CHST11: variants seen among roughly 807,000 people sequenced by gnomAD.
CHST11 encodes the protein carbohydrate sulfotransferase 11, also known as C4S-1.
CHST11 carries 9 observed loss-of-function variants against 30.4 expected under a neutral mutation model. That is an observed-to-expected ratio of 0.30 (90% CI 0.18 to 0.52). The LOEUF (loss-of-function observed/expected upper bound fraction) is 0.52. Ranked by LOEUF, CHST11 falls within the 20% of genes least tolerant of loss-of-function variation. CHST11 has a pLI of 0.97. For synonymous variants in CHST11, 152 were observed against 187.8 expected, an observed-to-expected ratio of 0.81 and a Z score of 1.56; for missense variants, 348 against 460.6, an observed-to-expected ratio of 0.76 and a Z score of 2.24.
chr12:104,547,849 C>G (rs1023243595), intron 1 of CHST11, among the ~76,000 whole-genome samples: 1 of 152,054 alleles, frequency 6.6e-6, no homozygotes, highest in African/African-American at 2.4e-5. Context: ...AAAAAAAGGA[C>G]TTTTGCCCCT....
chr12:104,599,788 G>A (rs1397555689), intron 1 of CHST11, among the ~76,000 whole-genome samples: 1 of 152,198 alleles, frequency 6.6e-6, no homozygotes, highest in Non-Finnish European at 1.5e-5. Context: ...TCTAGGGCAA[G>A]GGTTGGCAAA....
At chr12:104,462,181 A>G (rs868583479) in intron 1 of CHST11, among the ~76,000 whole-genome samples, 4 of 148,650 alleles carry the variant, frequency 2.7e-5, no homozygotes, top group Non-Finnish European at 4.5e-5. Flanking sequence ...AAAAAAAAAA[A>G]AAAAGAAAAA....
chr12:104,634,534 C>G (rs1003060169), intron 2 of CHST11, among the ~76,000 whole-genome samples: 3 of 152,232 alleles, frequency 2.0e-5, no homozygotes, highest in Admixed American at 6.5e-5. Context: ...CGACACGTCT[C>G]GCACCATTTC....
chr12:104,736,185 C>T (rs1177126761), intron 2 of CHST11, among the ~76,000 whole-genome samples: 1 of 152,172 alleles, frequency 6.6e-6, no homozygotes, highest in African/African-American at 2.4e-5. Context: ...TATAAATCCT[C>T]CCTTCCCCAA....
intron 2 of CHST11, among the ~76,000 whole-genome samples, chr12:104,639,759 A>G (rs1036853456): frequency 2.4e-4 from 36 of 152,064 alleles, no homozygotes; most frequent in African/African-American, 8.0e-4. Context: ...TCAAAAGGTC[A>G]CCTCTCATGC....
chr12:104,482,491 C>T (rs1239728712), intron 1 of CHST11, among the ~76,000 whole-genome samples: 1 of 152,170 alleles, frequency 6.6e-6, no homozygotes, highest in Non-Finnish European at 1.5e-5. Context: ...TGGCCACTGC[C>T]TCCCTTCCCT....
chr12:104,554,248 G>A (rs929198300), intron 1 of CHST11, among the ~76,000 whole-genome samples: 2 of 152,116 alleles, frequency 1.3e-5, no homozygotes, highest in African/African-American at 2.4e-5. Context: ...GGTTACTGGG[G>A]TTGTCTTAGA....
chr12:104,730,241 C>T (rs1355371819), intron 2 of CHST11, among the ~76,000 whole-genome samples: 2 of 152,236 alleles, frequency 1.3e-5, no homozygotes, highest in African/African-American at 4.8e-5. Context: ...TACTGTGTGA[C>T]CTGAGAGCAG....
chr12:104,644,531 C>T (rs1264862985), intron 2 of CHST11, among the ~76,000 whole-genome samples: 3 of 152,260 alleles, frequency 2.0e-5, no homozygotes, highest in African/African-American at 7.2e-5. Context: ...TGGCGTGGTG[C>T]TGCCTGGGCA....
At chr12:104,726,122 G>A (rs1006778441) in intron 2 of CHST11, among the ~76,000 whole-genome samples, 3 of 152,222 alleles carry the variant, frequency 2.0e-5, no homozygotes, top group African/African-American at 7.2e-5. Flanking sequence ...CAGAGAGATA[G>A]CAGAAAGAAA....
chr12:104,718,975 C>T (rs1400338263), intron 2 of CHST11, among the ~76,000 whole-genome samples: 1 of 152,186 alleles, frequency 6.6e-6, no homozygotes, highest in Non-Finnish European at 1.5e-5. Context: ...CTCCGACTTT[C>T]CAGGGTGCAT....
chr12:104,742,935 C>A (rs2040358856), intron 2 of CHST11, among the ~76,000 whole-genome samples: 1 of 152,248 alleles, frequency 6.6e-6, no homozygotes, highest in Non-Finnish European at 1.5e-5. Context: ...AGAGCTGATG[C>A]TAAGCTCCTG....
chr12:104,637,503 A>C lies in CHST11; in HGVS notation c.204+35512A>C, dbSNP rs573850072. 1.3e-4 allele frequency among the ~76,000 whole-genome samples: 20 copies of C among 152,218 alleles called. No homozygotes were observed. The East Asian group carries it at 2.1e-3, about 16-fold the overall frequency. On this transcript the variant is annotated intron_variant, in intron 2 of 2. Transcript: ENST00000303694. ...AAGTATAATAATAATTTTTAAAAAA[A>C]CCACAAAAACCTTTGGCTACAAAAT...
At chr12:104,550,187 A>AC (rs568839593) in intron 1 of CHST11, among the ~76,000 whole-genome samples, 1 of 151,724 alleles carries the variant, frequency 6.6e-6, no homozygotes, top group Non-Finnish European at 1.5e-5. Context: ...AGAGCTTACG[A>AC]CCCCCAGTGC....
intron 1 of CHST11, among the ~76,000 whole-genome samples, chr12:104,466,562 T>C (rs1248004986): frequency 6.6e-6 from 1 of 152,224 alleles, no homozygotes; most frequent in Non-Finnish European, 1.5e-5. Flanking sequence ...AAGTGAGTGC[T>C]TCTATTTGGG....
intron 1 of CHST11, among the ~76,000 whole-genome samples, chr12:104,582,422 C>T (rs1011100231): frequency 6.6e-6 from 1 of 152,128 alleles, no homozygotes; most frequent in East Asian, 1.9e-4. Flanking sequence ...ACTTTGATGT[C>T]AGCATTTTGA....
chr12:104,542,777 C>T (rs144379860), intron 1 of CHST11, among the ~76,000 whole-genome samples: 11 of 152,168 alleles, frequency 7.2e-5, no homozygotes, highest in African/African-American at 2.7e-4. Context: ...GCTTCGTTAC[C>T]TCTTCAAAAC....
chr12:104,683,940 C>T (rs2039821449), intron 2 of CHST11, among the ~76,000 whole-genome samples: 1 of 152,148 alleles, frequency 6.6e-6, no homozygotes, highest in Non-Finnish European at 1.5e-5. Flanking sequence ...CTAGAGAGGC[C>T]TGGAGTCCTA....
chr12:104,598,170 T>C (rs2038924973), intron 1 of CHST11, among the ~76,000 whole-genome samples: 1 of 152,190 alleles, frequency 6.6e-6, no homozygotes, highest in African/African-American at 2.4e-5. Flanking sequence ...AATATACTCA[T>C]GTGCATAATT....
Sources: gnomAD v4.1 joint callset for allele counts (sites outside exome capture counted in the v4.1 genomes callset) on GRCh38, gnomAD v4.1.1 for gene constraint, MANE v1.5 for transcripts, NCBI Gene and HGNC (gene_info 2026-07-23, HGNC 2026-07-21) for gene names.